The following ILDR2 variants were observed in gnomAD, a reference collection of about 807,000 sequenced individuals.
The protein encoded by ILDR2 is immunoglobulin-like domain-containing receptor 2.
In ILDR2, 25 loss-of-function variants were observed where a neutral mutation model predicts 66.8. That is an observed-to-expected ratio of 0.37 (90% confidence interval 0.27 to 0.52). ILDR2 has a LOEUF of 0.52. Among genes scored for constraint, ILDR2 ranks in the 20% least tolerant of loss-of-function variants. The probability of loss-of-function intolerance (pLI) is 0.88; values close to 1 mark genes in which losing one functional copy is unlikely to be tolerated. For synonymous variants in ILDR2, 367 were observed against 357.2 expected (o/e 1.03, Z -0.31); for missense variants, 827 against 876.8 (o/e 0.94, Z 0.72).
rs2101852725 is a variant in ILDR2, at chr1:166,921,152, T to C, written c.1439A>G (p.Gln480Arg). ...CAGGGGCTCGCGGCTGCGGCTGCGC[T>C]GACCGTAGTACTCCTCCAAGGAGTC... Reference protein sequence around the residue: ...QDDSLEEYYGQRSRSREPLTD... With the variant: ...QDDSLEEYYGRRSRSREPLTD... The change falls in exon 9 of 10, where the codon CAG becomes CGG. Residue 480 changes from glutamine (Q) to arginine (R), a missense_variant. Physicochemically the swap from Gln to Arg is conservative, Grantham distance 43. Coordinates refer to ENST00000271417, the MANE Select transcript of ILDR2 (RefSeq NM_199351.3). The surrounding 1 kb of genome is among the most constrained non-coding windows in gnomAD (Gnocchi z 5.3). 2 of 1,536,132 alleles carry C rather than the reference T, an allele frequency of 1.3e-6. No homozygotes were observed. Among genetic ancestry groups the C allele is most frequent in the Admixed American group, 2.0e-5 (1 of 51,058 alleles).
intron 9 of ILDR2, among the ~76,000 whole-genome samples, chr1:166,919,654 A>G (rs1472938810): frequency 6.6e-6 from 1 of 152,230 alleles, no homozygotes; most frequent in Non-Finnish European, 1.5e-5. Context: ...GAGCTCCACA[A>G]CAGCAAGTGT....
chr1:166,966,814 G>A (rs1040603717), intron 1 of ILDR2, among the ~76,000 whole-genome samples: 1 of 152,158 alleles, frequency 6.6e-6, no homozygotes, highest in Non-Finnish European at 1.5e-5. Flanking sequence ...TTCCAAGTGG[G>A]TCAGACTTCT....
intron 5 of ILDR2, among the ~76,000 whole-genome samples, chr1:166,935,832 A>AC (rs1660942527): frequency 6.6e-6 from 1 of 152,188 alleles, no homozygotes; most frequent in Non-Finnish European, 1.5e-5. Flanking sequence ...GCAGCCTAGC[A>AC]CAGGGACTGC....
In ILDR2 at chr1:166,920,779, G is replaced by T; in HGVS notation, c.1812C>A (p.Ser604=). 6.6e-7 allele frequency: 1 copy of T among 1,519,782 alleles called. No homozygotes were observed. The allele number at this position is 1,519,782 out of a possible 1,614,324, so 94.1% of individuals were successfully genotyped here. Reference sequence around the variant, plus strand: ...GGTAGGGCAGGTCGCGGCCGCGGTAGGACGGGCCGCGGGTCAGCTCCAGCT... The same window carrying T: ...GGTAGGGCAGGTCGCGGCCGCGGTATGACGGGCCGCGGGTCAGCTCCAGCT... ...YSELELTRGP[S]YRGRDLPYHS... is the part of the protein sequence containing the mutation. Residue 604 remains serine (S), a synonymous_variant, in exon 9 of 10, where the codon TCC becomes TCA. Coordinates refer to ENST00000271417, the MANE Select transcript of ILDR2 (RefSeq NM_199351.3).
Position 166,937,989 on chromosome 1 carries a change from C to G in ILDR2, c.557-1252G>C, listed in dbSNP as rs185555875. The stretch of plus-strand genomic sequence containing the variant: ...GTTAACAAAATGACTTTGTTTAGAT[C>G]ATAATTTCCTCAGAGAGGAAACAAA... On this transcript the variant is annotated intron_variant, in intron 4 of 9. Coordinates refer to ENST00000271417, the MANE Select transcript of ILDR2 (RefSeq NM_199351.3). Among the ~76,000 whole-genome samples, 23 of 152,266 alleles carry G rather than the reference C, an allele frequency of 1.5e-4. 1 individual carries two copies. Among genetic ancestry groups the G allele is most frequent in the African/African-American group, 5.3e-4 (22 of 41,562 alleles).
At chr1:166,896,734 C>T (rs1659173757) in intron 2 of ILDR2, among the ~76,000 whole-genome samples, 1 of 150,838 alleles carries the variant, frequency 6.6e-6, no homozygotes, top group Non-Finnish European at 1.5e-5. Flanking sequence ...CTCCCAGGTT[C>T]AAGTGATTCT....
Position 166,975,476 on chromosome 1 carries a change from G to A in ILDR2, c.-208C>T, listed in dbSNP as rs1442705268. On this transcript the variant is annotated 5_prime_UTR_variant, in exon 1 of 10. Coordinates refer to ENST00000271417, the MANE Select transcript of ILDR2 (RefSeq NM_199351.3). The stretch of plus-strand genomic sequence containing the variant: ...GAGCGCGCGCTGCCGCGGGCTTCCG[G>A]GGTCCGCGCAGCGCTCGGCGGCGCA... 6.8e-6 allele frequency: 1 copy of A among 146,584 alleles called. No individual in the cohort carries two copies. Among genetic ancestry groups the A allele is most frequent in the African/African-American group, 2.5e-5 (1 of 40,808 alleles). The allele number at this position is 146,584 out of a possible 1,614,324, so 9.1% of individuals were successfully genotyped here. A position where few individuals can be genotyped will look rare whatever the true frequency, so the allele number is the denominator to read the frequency against.
chr1:166,927,073 C>G lies in ILDR2; in HGVS notation c.988G>C (p.Gly330Arg). The G allele has an allele frequency of 6.2e-7, 1 of 1,604,530 alleles. No individual in the cohort carries two copies. The highest frequency in any genetic ancestry group is 8.5e-7 in the Non-Finnish European group (1 of 1,172,718). The change falls in exon 7 of 10, where the codon GGC becomes CGC. Residue 330 changes from glycine (G) to arginine (R), a missense_variant. Transcript: ENST00000271417. The part of the protein sequence containing the change: ...AQFDPARRMR[G>R]RYNNTISELS... ...AAAACTAACAGATGCTCACATCTGC[C>G]TCTCATCCTTCTGGCTGGATCAAAC...
chr1:166,958,843 T>C (rs1231368380), intron 1 of ILDR2, among the ~76,000 whole-genome samples: 1 of 152,240 alleles, frequency 6.6e-6, no homozygotes, highest in Non-Finnish European at 1.5e-5. Context: ...TACACTCTTC[T>C]TGCTACAGTT....
chr1:166,969,327 C>T (rs907794576), intron 1 of ILDR2, among the ~76,000 whole-genome samples: 4 of 152,190 alleles, frequency 2.6e-5, no homozygotes, highest in Admixed American at 1.3e-4. Flanking sequence ...ATAGAGGAAG[C>T]GGCATGTTCT....
chr1:166,959,823 A>G (rs1662505563), intron 1 of ILDR2, among the ~76,000 whole-genome samples: 1 of 152,208 alleles, frequency 6.6e-6, no homozygotes, highest in African/African-American at 2.4e-5. Flanking sequence ...AGAAATAGAA[A>G]TATGATGAGA....
chr1:166,960,311 G>A (rs191591412), intron 1 of ILDR2, among the ~76,000 whole-genome samples: 10 of 152,322 alleles, frequency 6.6e-5, no homozygotes, highest in Admixed American at 4.6e-4. Flanking sequence ...ATGAGCAAGT[G>A]AATGGCTATT....
At position 166,914,976 on chromosome 1, in the gene ILDR2, T is replaced by C. The variant is rs1301509397; in HGVS notation, c.*4379A>G. The stretch of plus-strand genomic sequence containing the variant: ...ATTGGCCAGTCATCCTTATGATTTG[T>C]ATGCTTTATAAAATGATTGAGTTTT... On this transcript the variant is annotated 3_prime_UTR_variant, in exon 10 of 10. Coordinates refer to ENST00000271417, the MANE Select transcript of ILDR2 (RefSeq NM_199351.3). The C allele has an allele frequency of 1.3e-5, 2 of 152,254 alleles. No individual in the cohort carries two copies. The highest frequency in any genetic ancestry group is 2.9e-5 in the Non-Finnish European group (2 of 68,046). The allele number at this position is 152,254 out of a possible 1,614,324, so 9.4% of individuals were successfully genotyped here.
intron 3 of ILDR2, among the ~76,000 whole-genome samples, chr1:166,943,408 C>T (rs1436489615): frequency 3.6e-5 from 5 of 138,890 alleles, no homozygotes; most frequent in Non-Finnish European, 7.6e-5. Flanking sequence ...AGGAGAATGG[C>T]GTAAACCCGG....
chr1:166,962,558 G>A (rs1662683269), intron 1 of ILDR2, among the ~76,000 whole-genome samples: 1 of 152,098 alleles, frequency 6.6e-6, no homozygotes, highest in Non-Finnish European at 1.5e-5. Context: ...AGGCCCCTCA[G>A]AACTGGTAGC....
chr1:166,940,219 C>T (rs544460567), intron 3 of ILDR2, among the ~76,000 whole-genome samples: 2 of 152,098 alleles, frequency 1.3e-5, no homozygotes, highest in African/African-American at 2.4e-5. Context: ...GTGCCTTCTG[C>T]GTAATATGGC....
At position 166,921,174 on chromosome 1, in the gene ILDR2, A is replaced by G. The variant is rs1368805271; in HGVS notation, c.1417T>C (p.Ser473Pro). 1.3e-6 allele frequency: 2 copies of G among 1,558,950 alleles called. No homozygotes were observed. The highest frequency in any genetic ancestry group is 1.7e-6 in the Non-Finnish European group (2 of 1,159,558). ...RAHSGFYQDDSLEEYYGQRSR... is the reference protein window; with the variant it reads ...RAHSGFYQDDPLEEYYGQRSR... ...CGCTGACCGTAGTACTCCTCCAAGG[A>G]GTCGTCCTGGTAGAAGCCGCTGTGC... The change falls in exon 9 of 10, where the codon TCC becomes CCC. Residue 473 changes from serine (S) to proline (P), a missense_variant. By Grantham distance (74) the Ser-to-Pro change is moderately conservative (BLOSUM62 -1). Coordinates refer to ENST00000271417, the MANE Select transcript of ILDR2 (RefSeq NM_199351.3). The surrounding 1 kb of genome is among the most constrained non-coding windows in gnomAD (Gnocchi z 5.3).
intron 6 of ILDR2, among the ~76,000 whole-genome samples, chr1:166,927,765 A>C (rs1660388154): frequency 6.6e-6 from 1 of 152,272 alleles, no homozygotes; most frequent in Non-Finnish European, 1.5e-5. Context: ...AACAAAATTC[A>C]AACTATGTGG....
At chr1:166,897,270 G>A (rs751437662) in intron 2 of ILDR2, among the ~76,000 whole-genome samples, 1 of 152,170 alleles carries the variant, frequency 6.6e-6, no homozygotes, top group Admixed American at 6.5e-5. Flanking sequence ...GGAAGTTGGC[G>A]TGGCTTGGTA....
Sources: gnomAD v4.1 joint callset for allele counts (sites outside exome capture counted in the v4.1 genomes callset) on GRCh38, gnomAD v4.1.1 for gene constraint, Gnocchi (gnomAD v3.1) non-coding constraint, MANE v1.5 for transcripts, NCBI Gene and HGNC (gene_info 2026-07-23, HGNC 2026-07-21) for gene names.